Variants in ELL observed in about 807,000 individuals in gnomAD.
The protein encoded by ELL is elongation factor for RNA polymerase II, also known as RNA polymerase II elongation factor ELL.
In ELL, 18 loss-of-function variants were observed where a neutral mutation model predicts 64.0. That is an observed-to-expected ratio of 0.28 (90% CI 0.19 to 0.42). The LOEUF is 0.42. Ranked by LOEUF, ELL falls within the 10% of genes least tolerant of loss-of-function variation. ELL has a pLI of 1.00. For missense variants in ELL, 797 were observed against 870.4 expected (o/e 0.92, Z 1.06); for synonymous variants, 399 against 376.2 (o/e 1.06, Z -0.70).
At chr19:18,511,716 T>C (rs191256359) in intron 1 of ELL, among the ~76,000 whole-genome samples, 189 of 152,096 alleles carry the variant, frequency 1.2e-3, no homozygotes, top group Non-Finnish European at 1.9e-3. Flanking sequence ...GTGGGAAAAT[T>C]GCTAAAGAAA....
At chr19:18,481,308 CG>C (rs1975294797) in intron 1 of ELL, among the ~76,000 whole-genome samples, 1 of 152,190 alleles carries the variant, frequency 6.6e-6, no homozygotes, top group South Asian at 2.1e-4. Flanking sequence ...GGTTCTCTCA[CG>C]GACTGGGGGC....
In ELL at chr19:18,522,052, C is replaced by A; in HGVS notation, c.4G>T (p.Ala2Ser). 11 of 1,602,828 alleles carry A rather than the reference C, an allele frequency of 6.9e-6. No individual in the cohort carries two copies. The highest frequency in any genetic ancestry group is 9.4e-6 in the Non-Finnish European group (11 of 1,173,530). The change falls in exon 1 of 12, where the codon GCG becomes TCG. Residue 2 changes from alanine (A) to serine (S), a missense_variant. By Grantham distance (99) the Ala-to-Ser change is moderately conservative. Coordinates refer to ENST00000262809, the MANE Select transcript of ELL (RefSeq NM_006532.4). Reference protein sequence around the residue: MAALKEDRSYGL... With the variant: MSALKEDRSYGL... ...TAGCTCCTATCCTCCTTCAGCGCCG[C>A]CATCTTGCGACCATCTCTCCCCCGC... is the stretch of plus-strand genomic sequence containing the variant.
intron 1 of ELL, among the ~76,000 whole-genome samples, chr19:18,513,142 C>T (rs1976062682): frequency 6.6e-6 from 1 of 152,166 alleles, no homozygotes; most frequent in Non-Finnish European, 1.5e-5. Context: ...GGCTGAGCTG[C>T]CTTCCCTGGC....
chr19:18,450,447 C>T (rs1974498418), intron 8 of ELL, 30 bp downstream of exon 8: 1 of 1,602,702 alleles, frequency 6.2e-7, no homozygotes, highest in African/African-American at 1.3e-5. Flanking sequence ...ACTTAGAGCC[C>T]CGGCAACGCC....
intron 1 of ELL, among the ~76,000 whole-genome samples, chr19:18,476,771 C>G (rs1975185811): frequency 6.6e-6 from 1 of 152,150 alleles, no homozygotes; most frequent in Admixed American, 6.5e-5. Flanking sequence ...TGTATCCCCA[C>G]CCTCCAGCAG....
At chr19:18,489,667 C>A (rs1311284773) in intron 1 of ELL, among the ~76,000 whole-genome samples, 2 of 152,200 alleles carry the variant, frequency 1.3e-5, no homozygotes, top group African/African-American at 4.8e-5. Flanking sequence ...ATGGTACTCA[C>A]ACTCAGTGCT....
At chr19:18,505,482 C>CCA (rs138123533) in intron 1 of ELL, among the ~76,000 whole-genome samples, 2 of 152,238 alleles carry the variant, frequency 1.3e-5, no homozygotes, top group Middle Eastern at 3.4e-3. Flanking sequence ...AGTACCTGTG[C>CCA]CACACACACA....
intron 1 of ELL, among the ~76,000 whole-genome samples, chr19:18,474,637 G>T (rs553616467): frequency 6.6e-6 from 1 of 152,266 alleles, no homozygotes; most frequent in Non-Finnish European, 1.5e-5. Flanking sequence ...TCCAAGACCA[G>T]GAAACAGCTG....
intron 1 of ELL, among the ~76,000 whole-genome samples, chr19:18,482,787 G>GTTGTTGTTGTTA (rs1337515839): frequency 2.1e-5 from 3 of 142,788 alleles, no homozygotes; most frequent in Non-Finnish European, 4.5e-5. Flanking sequence ...TGTTGTTGTT[G>GTTGTTGTTGTTA]TTGTTGTTGC....
chr19:18,503,443 G>A (rs915469982), intron 1 of ELL, among the ~76,000 whole-genome samples: 46 of 152,198 alleles, frequency 3.0e-4, no homozygotes, highest in African/African-American at 9.7e-4. Context: ...TGAGCTGCCC[G>A]TACTGGGAAT....
intron 1 of ELL, among the ~76,000 whole-genome samples, chr19:18,506,090 C>A (rs183907336): frequency 1.3e-5 from 2 of 152,330 alleles, no homozygotes; most frequent in African/African-American, 2.4e-5. Context: ...GGCCCACTGA[C>A]CCAGCCTCCC....
At position 18,502,672 on chromosome 19, in the gene ELL, G is replaced by A. The variant is rs1975805066; in HGVS notation, c.135+19249C>T. 2.0e-5 allele frequency among the ~76,000 whole-genome samples: 3 copies of A among 152,294 alleles called. No individual in the cohort carries two copies. The South Asian group carries it at 6.2e-4, about 32-fold the overall frequency. On this transcript the variant is annotated intron_variant, in intron 1 of 11. Transcript: ENST00000262809. ...AGACGGTGTTTAAATGAGAGAGAGG[G>A]CCCAATGACAACGGACACCAGACAC...
At chr19:18,459,808 G>A (rs1215491580) in intron 5 of ELL, among the ~76,000 whole-genome samples, 1 of 146,286 alleles carries the variant, frequency 6.8e-6, no homozygotes, top group African/African-American at 2.5e-5. Context: ...TTACAGGCGT[G>A]AGCCACCGCG....
intron 1 of ELL, among the ~76,000 whole-genome samples, chr19:18,482,763 TTTGTTG>T (rs71336679): frequency 1.1e-4 from 16 of 149,716 alleles, no homozygotes; most frequent in East Asian, 7.8e-4. Context: ...CTTTTTGGTT[TTTGTTG>T]TTGTTGTTGT....
At chr19:18,498,218 G>A (rs546018077) in intron 1 of ELL, among the ~76,000 whole-genome samples, 1 of 152,256 alleles carries the variant, frequency 6.6e-6, no homozygotes, top group East Asian at 1.9e-4. Flanking sequence ...GGGGGAGGCT[G>A]CAGGTGCGGG....
chr19:18,465,385 T>C, intron 4 of ELL, 27 bp downstream of exon 4: 1 of 1,570,618 alleles, frequency 6.4e-7, no homozygotes, highest in Non-Finnish European at 8.7e-7. Flanking sequence ...CCGGCTGCCC[T>C]ACAGCCCTGC....
In ELL at chr19:18,480,192, C is replaced by A. The variant is rs112228160; in HGVS notation, c.136-7310G>T. On this transcript the variant is annotated intron_variant, in intron 1 of 11. Transcript: ENST00000262809. ...GGAAGGTGAAGTCCCGGGAAGAGCC[C>A]TGGACGGTGGCCTCCCCACAACAGG... Among the ~76,000 whole-genome samples the A allele has an allele frequency of 8.0e-3, 1,226 of 152,340 alleles. 16 individuals are homozygous for A. Among genetic ancestry groups the A allele is most frequent in the African/African-American group, 0.028 (1,146 of 41,572 alleles).
chr19:18,464,771 G>A (rs1438024256), intron 4 of ELL, among the ~76,000 whole-genome samples: 2 of 152,210 alleles, frequency 1.3e-5, no homozygotes, highest in African/African-American at 4.8e-5. Flanking sequence ...AGCTCTGCCT[G>A]GACTAAGAGG....
At chr19:18,462,334 G>GGGGTGT (rs765676443) in intron 4 of ELL, among the ~76,000 whole-genome samples, 1 of 90,516 alleles carries the variant, frequency 1.1e-5, no homozygotes. Flanking sequence ...ACTCTAGTGG[G>GGGGTGT]CTGTGTGTGT....
Sources: gnomAD v4.1 joint callset for allele counts (sites outside exome capture counted in the v4.1 genomes callset) on GRCh38, gnomAD v4.1.1 for gene constraint, MANE v1.5 for transcripts, NCBI Gene and HGNC (gene_info 2026-07-23, HGNC 2026-07-21) for gene names.